Variants in UNC5B observed in about 807,000 individuals in gnomAD.
UNC5B encodes the protein unc-5 netrin receptor B.
Under a neutral mutation model 103.7 loss-of-function variants are expected in UNC5B, and 56 were observed. The ratio of observed to expected loss-of-function variants is 0.54; its 90% CI spans 0.44 to 0.67. UNC5B has a LOEUF of 0.67. UNC5B is among the 30% of genes least tolerant of loss of function. UNC5B has a pLI of 0.00. For synonymous variants in UNC5B, 577 were observed against 542.0 expected, an observed-to-expected ratio of 1.06 and a Z score of -0.90; for missense variants, 1,194 against 1,284.5, an observed-to-expected ratio of 0.93 and a Z score of 1.08.
chr10:71,283,259 T>C (rs11593534), intron 2 of UNC5B, among the ~76,000 whole-genome samples: 36,478 of 152,144 alleles, frequency 0.24, 5,344 homozygotes, highest in African/African-American at 0.41. Context: ...CTCAGTTTCT[T>C]CAAAGGTAAC....
intron 1 of UNC5B, among the ~76,000 whole-genome samples, chr10:71,230,125 A>T (rs899843225): frequency 6.6e-6 from 1 of 152,138 alleles, no homozygotes; most frequent in African/African-American, 2.4e-5. Flanking sequence ...AGAAAGATTA[A>T]GAAAAGAAGC....
rs754871855 is a variant in UNC5B at position 71,279,811 on chromosome 10, C to T, written c.80-10C>T. 3.1e-6 allele frequency: 5 copies of T among 1,610,948 alleles called. No homozygotes were observed. The Admixed American group carries it at 5.0e-5, about 16-fold the overall frequency. ...ACACAGCCTCATGGAGGTCTCCACT[C>T]ACTCTGCAGGCACTGATTCTGGCAG... On this transcript the variant is annotated splice_polypyrimidine_tract_variant and intron_variant, in intron 1 of 16. Transcript: ENST00000335350.
chr10:71,254,965 C>G (rs1327859751), intron 1 of UNC5B, among the ~76,000 whole-genome samples: 2 of 152,252 alleles, frequency 1.3e-5, no homozygotes, highest in Non-Finnish European at 1.5e-5. Context: ...CCCACCCAGA[C>G]ACAACTACTA....
Position 71,212,990 on chromosome 10 carries a change from G to A in UNC5B, c.5G>A (p.Gly2Glu). The A allele has an allele frequency of 1.4e-6, 2 of 1,392,520 alleles. No individual in the cohort carries two copies. Among genetic ancestry groups the A allele is most frequent in the Non-Finnish European group, 1.9e-6 (2 of 1,068,702 alleles). The allele number at this position is 1,392,520 out of a possible 1,614,324, so 86.3% of individuals were successfully genotyped here. Residue 2 changes from glycine to glutamate, a missense_variant, in exon 1 of 17, where the codon GGG (glycine) becomes GAG (glutamate). Physicochemically the swap from Gly to Glu is moderately conservative, Grantham distance 98. Transcript: ENST00000335350. ...CCCGAACCAGGCCGCGGGAGCATGGGGGCCCGGAGCGGAGCTCGGGGCGCG... is the reference window on the plus strand; with the variant it reads ...CCCGAACCAGGCCGCGGGAGCATGGAGGCCCGGAGCGGAGCTCGGGGCGCG... M[G>E]ARSGARGALL...
intron 1 of UNC5B, among the ~76,000 whole-genome samples, chr10:71,275,782 A>T (rs1232001609): frequency 6.6e-6 from 1 of 151,968 alleles, no homozygotes; most frequent in Non-Finnish European, 1.5e-5. Flanking sequence ...AAGCTGTGGG[A>T]TATTTTTAAT....
chr10:71,280,814 G>A lies in UNC5B; in HGVS notation c.304+769G>A, dbSNP rs116574786. On this transcript the variant is annotated intron_variant, in intron 2 of 16. Coordinates refer to ENST00000335350, the MANE Select transcript of UNC5B (RefSeq NM_170744.5). ...AGTGCAGGAGCCCTCGGGGTGAAAA[G>A]CCCTTCCTGGGGCTTAAGACAGGCA... 8.6e-3 allele frequency among the ~76,000 whole-genome samples: 1,312 copies of A among 152,256 alleles called. 19 individuals are homozygous for A. The highest frequency in any genetic ancestry group is 0.03 in the African/African-American group (1,240 of 41,518).
In UNC5B at chr10:71,213,762, T is replaced by TGTGTGTGTGTGTGTGTGTG. The variant is rs1589143066; in HGVS notation, c.79+698_79+699insGTGTGTGTGTGTGTGTGTG. On this transcript the variant is annotated intron_variant, in intron 1 of 16. Coordinates refer to ENST00000335350, the MANE Select transcript of UNC5B (RefSeq NM_170744.5). This position sits in a 1 kb window ranked among gnomAD's most constrained non-coding sequence, Gnocchi z 4.1. Reference sequence around the variant, plus strand: ...GTGTGTGTGTGTGTGTGTGTGTGTGTTGGATGCGGGTAGGGGTTCTTAGCG... The same window carrying TGTGTGTGTGTGTGTGTGTG: ...GTGTGTGTGTGTGTGTGTGTGTGTGTGTGTGTGTGTGTGTGTGTGTGGATGCGGGTAGGGGTTCTTAGCG... Among the ~76,000 whole-genome samples, 4 of 148,084 alleles carry TGTGTGTGTGTGTGTGTGTG rather than the reference T, an allele frequency of 2.7e-5. No homozygotes were observed. The highest frequency in any genetic ancestry group is 1.0e-4 in the African/African-American group (4 of 39,930).
At chr10:71,268,630 G>A (rs1484611566) in intron 1 of UNC5B, among the ~76,000 whole-genome samples, 3 of 152,228 alleles carry the variant, frequency 2.0e-5, no homozygotes, top group African/African-American at 4.8e-5. Context: ...GTGTTTGGCA[G>A]TTGCCTCCCC....
At chr10:71,254,722 A>G (rs1844252558) in intron 1 of UNC5B, among the ~76,000 whole-genome samples, 1 of 152,114 alleles carries the variant, frequency 6.6e-6, no homozygotes. Flanking sequence ...AGGGTGGATG[A>G]CCACCACCCA....
At chr10:71,290,872 C>T (rs746325254) in intron 8 of UNC5B, 43 bp from the exon 9 acceptor site, 2 of 1,568,740 alleles carry the variant, frequency 1.3e-6, no homozygotes, top group East Asian at 2.3e-5. Context: ...TGCCCCAGGG[C>T]CTGGTCTCTG....
At chr10:71,238,324 C>T (rs993139777) in intron 1 of UNC5B, among the ~76,000 whole-genome samples, 1 of 152,126 alleles carries the variant, frequency 6.6e-6, no homozygotes, top group Non-Finnish European at 1.5e-5. Flanking sequence ...GCCCACTTCT[C>T]CAGAGTGGCT....
chr10:71,274,597 A>G (rs964471483), intron 1 of UNC5B, among the ~76,000 whole-genome samples: 5 of 152,310 alleles, frequency 3.3e-5, no homozygotes, highest in African/African-American at 4.8e-5. Context: ...TAGAGACTTC[A>G]TAAAGAGGTC....
chr10:71,288,909 C>G (rs1410879910), intron 7 of UNC5B, 49 bp from the exon 8 acceptor site: 10 of 1,604,896 alleles, frequency 6.2e-6, no homozygotes, highest in Non-Finnish European at 8.5e-6. Context: ...CTCTGCCACC[C>G]TTTCCCTGTC....
intron 1 of UNC5B, among the ~76,000 whole-genome samples, chr10:71,215,329 A>G (rs1483417293): frequency 1.3e-5 from 2 of 152,024 alleles, no homozygotes; most frequent in Non-Finnish European, 2.9e-5. Context: ...CCTCCCTCCT[A>G]TTCTTATCCA....
intron 1 of UNC5B, chr10:71,217,781 G>A (rs1342912717): frequency 6.6e-6 from 1 of 151,806 alleles, no homozygotes; most frequent in Non-Finnish European, 1.5e-5. Context: ...CCATCTTAGC[G>A]GCCTGATTAG....
rs1465577620 is a variant in UNC5B at position 71,293,781 on chromosome 10, G to T, written c.2023G>T (p.Asp675Tyr). ...GCCCAGGGCCTGTCACATCCTGCTGGACCAGCTGGGCACCTACGTGTTCAC... is the reference window on the plus strand; with the variant it reads ...GCCCAGGGCCTGTCACATCCTGCTGTACCAGCTGGGCACCTACGTGTTCAC... ...LEPRACHILLDQLGTYVFTGE... is the reference protein window; with the variant it reads ...LEPRACHILLYQLGTYVFTGE... The change falls in exon 13 of 17, where the codon GAC (aspartate) becomes TAC (tyrosine). Residue 675 changes from aspartate (D) to tyrosine (Y), a missense_variant. By Grantham distance (160) the Asp-to-Tyr change is radical (BLOSUM62 -3). Coordinates refer to ENST00000335350, the MANE Select transcript of UNC5B (RefSeq NM_170744.5). 1 of 1,602,952 alleles carries T rather than the reference G, an allele frequency of 6.2e-7. No individual in the cohort carries two copies. Among genetic ancestry groups the T allele is most frequent in the Non-Finnish European group, 8.5e-7 (1 of 1,175,146 alleles).
At chr10:71,294,244 T>G (rs1845351113) in intron 13 of UNC5B, among the ~76,000 whole-genome samples, 1 of 152,004 alleles carries the variant, frequency 6.6e-6, no homozygotes, top group Admixed American at 6.6e-5. Context: ...AAGGCTGACA[T>G]GTAGGAGTTT....
intron 12 of UNC5B, 60 bp downstream of exon 12, chr10:71,293,633 A>C (rs898884643): frequency 1.2e-6 from 2 of 1,609,000 alleles, no homozygotes; most frequent in African/African-American, 2.7e-5. Flanking sequence ...AGGCAAAAGA[A>C]AGCCCTTTTC....
chr10:71,254,123 G>GGT (rs1844237937), intron 1 of UNC5B, among the ~76,000 whole-genome samples: 1 of 152,146 alleles, frequency 6.6e-6, no homozygotes, highest in Non-Finnish European at 1.5e-5. Flanking sequence ...TCTGACTCTT[G>GGT]GTTCAATGCT....
Sources: gnomAD v4.1 joint callset for allele counts (sites outside exome capture counted in the v4.1 genomes callset) on GRCh38, gnomAD v4.1.1 for gene constraint, Gnocchi (gnomAD v3.1) non-coding constraint, MANE v1.5 for transcripts, NCBI Gene and HGNC (gene_info 2026-07-23, HGNC 2026-07-21) for gene names.